Variants in MCPH1 observed in about 807,000 individuals in gnomAD.
The protein encoded by MCPH1 is microcephalin 1, also known as microcephalin.
A neutral mutation model predicts 84.5 loss-of-function variants in MCPH1; 104 were observed. That is an observed-to-expected ratio of 1.23 (90% CI 1.05 to 1.45). The LOEUF (loss-of-function observed/expected upper bound fraction) is 1.45, where lower values mean the gene tolerates loss of function less well. Ranked by LOEUF, MCPH1 falls within the 40% of genes most tolerant of loss-of-function variation. The pLI is 0.00. For missense variants in MCPH1, 1,498 were observed against 1,005.7 expected (o/e 1.49, Z -6.62); for synonymous variants, 514 against 366.8 (o/e 1.40, Z -4.58).
intron 12 of MCPH1, among the ~76,000 whole-genome samples, chr8:6,516,607 C>T (rs778587018): frequency 6.6e-6 from 1 of 152,196 alleles, no homozygotes; most frequent in Non-Finnish European, 1.5e-5. Flanking sequence ...TCACTTCTAT[C>T]AATATTTCTT....
intron 13 of MCPH1, among the ~76,000 whole-genome samples, chr8:6,637,068 T>G (rs563361361): frequency 6.6e-6 from 1 of 152,370 alleles, no homozygotes; most frequent in African/African-American, 2.4e-5. Flanking sequence ...ACTGGGCTAC[T>G]TTCTTCAAAC....
In MCPH1 at chr8:6,455,823, A is replaced by G. The variant is rs144299999; in HGVS notation, c.1935+571A>G. On this transcript the variant is annotated intron_variant, in intron 9 of 13. Coordinates refer to ENST00000344683, the MANE Select transcript of MCPH1 (RefSeq NM_024596.5). ...GCATTGCTTAAATTTAAAATTAGCC[A>G]TATATATTATACCTTGTGCCTCATT... Among the ~76,000 whole-genome samples the G allele has an allele frequency of 1.2e-3, 182 of 152,350 alleles. 3 individuals are homozygous for G. In the East Asian group the frequency reaches 0.029, roughly 25 times the overall value.
intron 10 of MCPH1, among the ~76,000 whole-genome samples, chr8:6,479,215 C>T (rs1239164983): frequency 1.3e-5 from 2 of 151,894 alleles, no homozygotes; most frequent in East Asian, 3.9e-4. Context: ...TGCAGTGAGC[C>T]ATGATTGTAC....
At chr8:6,561,989 A>T (rs897519904) in intron 12 of MCPH1, among the ~76,000 whole-genome samples, 1 of 152,144 alleles carries the variant, frequency 6.6e-6, no homozygotes, top group Admixed American at 6.5e-5. Flanking sequence ...GCTGGAACTG[A>T]CGGGGGCTGC....
Position 6,414,759 on chromosome 8 carries a change from C to G in MCPH1, c.115-6C>G, listed in dbSNP as rs368712550. ...GTACATTTTGTTTTCTGCATTTTGTCTACAGGTTTCAAAAACTTTTAACAA... is the reference window on the plus strand; with the variant it reads ...GTACATTTTGTTTTCTGCATTTTGTGTACAGGTTTCAAAAACTTTTAACAA... On this transcript the variant is annotated splice_region_variant and splice_polypyrimidine_tract_variant and intron_variant, in intron 2 of 13. Transcript: ENST00000344683. 113 of 1,613,118 alleles carry G rather than the reference C, an allele frequency of 7.0e-5. No homozygotes were observed. Among genetic ancestry groups the G allele is most frequent in the South Asian group, 8.8e-5 (8 of 90,930 alleles).
At chr8:6,498,468 A>G (rs1482423808) in intron 11 of MCPH1, among the ~76,000 whole-genome samples, 1 of 152,234 alleles carries the variant, frequency 6.6e-6, no homozygotes, top group Non-Finnish European at 1.5e-5. Context: ...GTGTAAATTA[A>G]TTAATTTACT....
chr8:6,617,458 C>T (rs1358685131), intron 12 of MCPH1, among the ~76,000 whole-genome samples: 1 of 151,808 alleles, frequency 6.6e-6, no homozygotes, highest in South Asian at 2.1e-4. Context: ...CTAGAAACTT[C>T]TGGGTCAATA....
chr8:6,445,340 G>C lies in MCPH1; in HGVS notation c.1618G>C (p.Asp540His), dbSNP rs1412831759. 34 of 1,614,148 alleles carry C rather than the reference G, an allele frequency of 2.1e-5. No individual in the cohort carries two copies. The highest frequency in any genetic ancestry group is 2.8e-5 in the Non-Finnish European group (33 of 1,180,056). ...CCCTGCTCTTCCAAAAGGACATGAT[G>C]ATGATTTAACTCCTTTGGAAGGAAG... The part of the protein sequence containing the change: ...EDPALPKGHD[D>H]DLTPLEGSLE... Residue 540 changes from aspartate to histidine, a missense_variant, in exon 8 of 14, where the codon GAT becomes CAT. Coordinates refer to ENST00000344683, the MANE Select transcript of MCPH1 (RefSeq NM_024596.5).
intron 12 of MCPH1, among the ~76,000 whole-genome samples, chr8:6,574,331 T>C (rs983906247): frequency 1.3e-5 from 2 of 152,090 alleles, no homozygotes; most frequent in African/African-American, 2.4e-5. Context: ...CCTCATCGTC[T>C]CATGGTATTC....
At chr8:6,465,734 G>T (rs533694476) in intron 9 of MCPH1, among the ~76,000 whole-genome samples, 1 of 152,306 alleles carries the variant, frequency 6.6e-6, no homozygotes, top group East Asian at 1.9e-4. Flanking sequence ...AGAGACTCAT[G>T]TTAATAAGTA....
At chr8:6,525,149 G>A (rs754252822) in intron 12 of MCPH1, among the ~76,000 whole-genome samples, 1 of 152,170 alleles carries the variant, frequency 6.6e-6, no homozygotes, top group Non-Finnish European at 1.5e-5. Context: ...CCAAGGAACT[G>A]GCTACCCATT....
In MCPH1 at chr8:6,646,879, T is replaced by C. The variant is rs1210655352; in HGVS notation, c.*3830T>C. 1 of 152,048 alleles carries C rather than the reference T, an allele frequency of 6.6e-6. No individual in the cohort carries two copies. Among genetic ancestry groups the C allele is most frequent in the African/African-American group, 2.4e-5 (1 of 41,398 alleles). The allele number at this position is 152,048 out of a possible 1,614,324, so 9.4% of individuals were successfully genotyped here. ...GTACAGAAGAAAGCATAGCAGGAAA[T>C]CATTCTGACCTCAGGTTAGGCAAAG... On this transcript the variant is annotated 3_prime_UTR_variant, in exon 14 of 14. Transcript: ENST00000344683.
At chr8:6,410,117 A>C (rs1798331360) in intron 2 of MCPH1, among the ~76,000 whole-genome samples, 1 of 151,982 alleles carries the variant, frequency 6.6e-6, no homozygotes, top group African/African-American at 2.4e-5. Context: ...CTACAGGCAC[A>C]TGCCACCATG....
chr8:6,438,447 C>G (rs1048246430), intron 5 of MCPH1, among the ~76,000 whole-genome samples: 4 of 152,108 alleles, frequency 2.6e-5, no homozygotes, highest in Admixed American at 2.6e-4. Context: ...AAACACAACT[C>G]TGCACCCACA....
chr8:6,553,170 C>T (rs1823963776), intron 12 of MCPH1, among the ~76,000 whole-genome samples: 2 of 151,994 alleles, frequency 1.3e-5, no homozygotes, highest in Non-Finnish European at 1.5e-5. Context: ...GGATGTTGAT[C>T]GTAGGGGAGG....
At chr8:6,615,905 G>A (rs1402280191) in intron 12 of MCPH1, 1 of 152,144 alleles carries the variant, frequency 6.6e-6, no homozygotes, top group African/African-American at 2.4e-5. Flanking sequence ...ATTCAGTAAA[G>A]TTATTGATGA....
intron 9 of MCPH1, among the ~76,000 whole-genome samples, chr8:6,468,857 T>C (rs59421608): frequency 0.016 from 2,476 of 152,076 alleles, 71 homozygotes; most frequent in African/African-American, 0.057. Flanking sequence ...GGAAAAAATA[T>C]ATAAGGAAGG....
At chr8:6,576,735 A>G (rs1165181274) in intron 12 of MCPH1, among the ~76,000 whole-genome samples, 4 of 81,524 alleles carry the variant, frequency 4.9e-5, no homozygotes, top group Admixed American at 1.9e-4. Context: ...TTTAGTAGAG[A>G]TGGGTTTTCA....
chr8:6,532,566 C>A, intron 12 of MCPH1: 2 of 895,700 alleles, frequency 2.2e-6, no homozygotes, highest in Non-Finnish European at 3.0e-6. Context: ...TCGTCTCCTC[C>A]CTATCTTTAA....
Sources: allele counts gnomAD v4.1 joint callset (sites outside exome capture counted in the v4.1 genomes callset), GRCh38; gene constraint gnomAD v4.1.1; transcripts MANE v1.5; gene names NCBI Gene and HGNC (gene_info 2026-07-23, HGNC 2026-07-21).